Variants in MND1 observed in about 807,000 individuals in gnomAD.
MND1 encodes the protein meiotic nuclear division protein 1 homolog.
In MND1, 28 loss-of-function variants were observed where a neutral mutation model predicts 35.1. The observed-to-expected ratio is 0.80, with a 90% CI of 0.59 to 1.09. MND1 has a LOEUF of 1.09. Ranked by LOEUF, MND1 falls within the 50% of genes least tolerant of loss-of-function variation. The pLI is 0.00. For missense variants in MND1, 213 were observed against 239.6 expected, an observed-to-expected ratio of 0.89 and a Z score of 0.73; for synonymous variants, 69 against 70.5, an observed-to-expected ratio of 0.98 and a Z score of 0.11.
chr4:153,374,248 T>A (rs1479095609), intron 4 of MND1, among the ~76,000 whole-genome samples: 1 of 152,162 alleles, frequency 6.6e-6, no homozygotes, highest in Non-Finnish European at 1.5e-5. Context: ...TTTCATTTAG[T>A]TAGAACAAAT....
chr4:153,399,419 A>C (rs1374693487), intron 6 of MND1, among the ~76,000 whole-genome samples: 1 of 152,178 alleles, frequency 6.6e-6, no homozygotes, highest in Non-Finnish European at 1.5e-5. Flanking sequence ...ATTTAGGCTT[A>C]CTAAACTACT....
At chr4:153,347,568 G>T (rs2149626876) in intron 1 of MND1, among the ~76,000 whole-genome samples, 1 of 152,312 alleles carries the variant, frequency 6.6e-6, no homozygotes, top group Non-Finnish European at 1.5e-5. Flanking sequence ...TTCATGTTCT[G>T]AAGAAGTTTT....
At chr4:153,351,977 A>C (rs1380608969) in intron 2 of MND1, among the ~76,000 whole-genome samples, 1 of 152,192 alleles carries the variant, frequency 6.6e-6, no homozygotes, top group East Asian at 1.9e-4. Flanking sequence ...CAACTAATGA[A>C]GCAGCATATA....
chr4:153,413,076 G>A (rs550391980), intron 7 of MND1, among the ~76,000 whole-genome samples: 4 of 152,140 alleles, frequency 2.6e-5, no homozygotes, highest in Admixed American at 6.6e-5. Context: ...AATCCTACTG[G>A]ATTAGGGCCC....
rs142051557 is a variant in MND1 at position 153,370,098 on chromosome 4, A to G, written c.276+11476A>G. 9.2e-3 allele frequency among the ~76,000 whole-genome samples: 1,399 copies of G among 152,054 alleles called. 79 individuals carry two copies. In the East Asian group the frequency reaches 0.11, roughly 12 times the overall value. On this transcript the variant is annotated intron_variant, in intron 4 of 7. Transcript: ENST00000240488. Reference sequence around the variant, plus strand: ...GGAGTTCAAGACCAGCCTAGCCAACATCGTGAAACCCTGTCTCTACTTAAA... The same window carrying G: ...GGAGTTCAAGACCAGCCTAGCCAACGTCGTGAAACCCTGTCTCTACTTAAA...
intron 6 of MND1, among the ~76,000 whole-genome samples, chr4:153,403,648 G>A (rs1366905655): frequency 6.6e-6 from 1 of 152,204 alleles, no homozygotes; most frequent in Non-Finnish European, 1.5e-5. Context: ...CCAAGCTGGA[G>A]TGCAGTGGCA....
intron 4 of MND1, among the ~76,000 whole-genome samples, chr4:153,378,342 T>G (rs1360588891): frequency 2.6e-5 from 4 of 152,208 alleles, no homozygotes; most frequent in Non-Finnish European, 5.9e-5. Flanking sequence ...TTTTAACTTT[T>G]TTTTCTACTA....
intron 2 of MND1, 147 bp from the exon 3 acceptor site, chr4:153,355,507 A>G (rs1461081794): frequency 1.1e-5 from 6 of 566,650 alleles, no homozygotes; most frequent in Non-Finnish European, 1.9e-5. Flanking sequence ...TCATCATAAC[A>G]CATTGTATAC....
At chr4:153,358,301 A>G (rs1773396158) in intron 3 of MND1, among the ~76,000 whole-genome samples, 173 bp from the exon 4 acceptor site, 1 of 152,206 alleles carries the variant, frequency 6.6e-6, no homozygotes, top group Admixed American at 6.5e-5. Flanking sequence ...ATACATTCTA[A>G]GAAATGTTTC....
intron 1 of MND1, among the ~76,000 whole-genome samples, chr4:153,347,563 G>C (rs760602021): frequency 1.3e-5 from 2 of 152,200 alleles, no homozygotes; most frequent in Non-Finnish European, 2.9e-5. Context: ...GGCAGTTCAT[G>C]TTCTGAAGAA....
At chr4:153,359,976 G>A (rs1445347588) in intron 4 of MND1, among the ~76,000 whole-genome samples, 2 of 151,700 alleles carry the variant, frequency 1.3e-5, no homozygotes, top group African/African-American at 2.4e-5. Flanking sequence ...TAGTAGAGAC[G>A]GGGTTTCACC....
At chr4:153,372,077 T>C (rs1346072990) in intron 4 of MND1, among the ~76,000 whole-genome samples, 1 of 152,056 alleles carries the variant, frequency 6.6e-6, no homozygotes, top group East Asian at 1.9e-4. Flanking sequence ...TTAAGTTCAC[T>C]GTCTTATGTG....
chr4:153,396,587 A>G (rs1192626955), intron 5 of MND1, among the ~76,000 whole-genome samples: 1 of 152,192 alleles, frequency 6.6e-6, no homozygotes, highest in Non-Finnish European at 1.5e-5. Flanking sequence ...TTGAATATGT[A>G]TAGCACTATG....
At chr4:153,412,138 A>C (rs944986478) in intron 7 of MND1, among the ~76,000 whole-genome samples, 1 of 152,214 alleles carries the variant, frequency 6.6e-6, no homozygotes, top group Non-Finnish European at 1.5e-5. Context: ...ACATTCCATA[A>C]CACTTTGATT....
intron 4 of MND1, among the ~76,000 whole-genome samples, chr4:153,378,087 T>C (rs1728561816): frequency 6.6e-6 from 1 of 152,190 alleles, no homozygotes; most frequent in African/African-American, 2.4e-5. Flanking sequence ...CACTGAAACA[T>C]ACAGAAACAT....
intron 4 of MND1, chr4:153,382,043 A>G (rs1728723918): frequency 6.6e-6 from 1 of 151,938 alleles, no homozygotes; most frequent in African/African-American, 2.4e-5. Flanking sequence ...CATAAAAATA[A>G]CCTTGTTAGG....
intron 4 of MND1, among the ~76,000 whole-genome samples, chr4:153,363,360 C>T (rs1228636718): frequency 4.0e-5 from 6 of 151,828 alleles, no homozygotes; most frequent in South Asian, 2.1e-4. Flanking sequence ...TACAAGCGCC[C>T]GCCACCACAC....
chr4:153,409,374 T>A (rs1363513203), intron 7 of MND1, among the ~76,000 whole-genome samples: 1 of 151,054 alleles, frequency 6.6e-6, no homozygotes, highest in Non-Finnish European at 1.5e-5. Flanking sequence ...ATCTTGCTAA[T>A]AATAATAATA....
chr4:153,386,593 G>A (rs1385522470), intron 4 of MND1, among the ~76,000 whole-genome samples: 1 of 152,068 alleles, frequency 6.6e-6, no homozygotes, highest in African/African-American at 2.4e-5. Flanking sequence ...GCATACCCCT[G>A]TAATCCCAGC....
Sources: allele counts gnomAD v4.1 joint callset (sites outside exome capture counted in the v4.1 genomes callset), GRCh38; gene constraint gnomAD v4.1.1; transcripts MANE v1.5; gene names NCBI Gene and HGNC (gene_info 2026-07-23, HGNC 2026-07-21).